The following CCDC150 variants were observed in gnomAD, a reference collection of about 807,000 sequenced individuals.
CCDC150 encodes the protein coiled-coil domain-containing protein 150.
A neutral mutation model predicts 156.5 loss-of-function variants in CCDC150; 151 were observed. The ratio of observed to expected loss-of-function variants is 0.97; its 90% CI spans 0.85 to 1.10. CCDC150 has a LOEUF of 1.10. Among genes scored for constraint, CCDC150 ranks in the 50% least tolerant of loss-of-function variants. The pLI is 0.00. For missense variants in CCDC150, 1,312 were observed against 1,268.1 expected, an observed-to-expected ratio of 1.03 and a Z score of -0.53; for synonymous variants, 452 against 429.4, an observed-to-expected ratio of 1.05 and a Z score of -0.65.
rs1238348149 is a variant in CCDC150 at position 196,657,136 on chromosome 2, G to A, written c.576G>A (p.Lys192=). The change falls in exon 4 of 28, where the codon AAG becomes AAA. Residue 192 remains lysine, a splice_region_variant and synonymous_variant. Transcript: ENST00000389175. The part of the protein sequence containing the change: ...TATLKIASQT[K]KNAAIIEEEL... ...CTCTGAAGATTGCCTCGCAGACAAA[G>A]GTTTGAGTCTAAGAGTTCTGAAGTA... 1.2e-6 allele frequency: 2 copies of A among 1,613,340 alleles called. No homozygotes were observed. The highest frequency in any genetic ancestry group is 1.7e-5 in the Admixed American group (1 of 59,972).
At chr2:196,677,075 C>T (rs2125617599) in intron 12 of CCDC150, 2 of 691,360 alleles carry the variant, frequency 2.9e-6, no homozygotes, top group East Asian at 5.5e-5. Context: ...AGGAAGGAAC[C>T]AGCAGAGTCT....
rs368245738 is a variant in CCDC150 at position 196,710,713 on chromosome 2, A to C, written c.1696-1432A>C. Among the ~76,000 whole-genome samples the C allele has an allele frequency of 5.3e-5, 8 of 152,372 alleles. No individual in the cohort carries two copies. In the South Asian group the frequency reaches 6.2e-4, roughly 12 times the overall value. ...AGAGTTACATGTGTTAACATGGATG[A>C]ATCTCATAAAACAATACTATATACT... is the stretch of plus-strand genomic sequence containing the variant. On this transcript the variant is annotated intron_variant, in intron 15 of 27. Coordinates refer to ENST00000389175, the MANE Select transcript of CCDC150 (RefSeq NM_001080539.2).
At chr2:196,728,427 A>G (rs541849451) in intron 22 of CCDC150, among the ~76,000 whole-genome samples, 46 of 152,326 alleles carry the variant, frequency 3.0e-4, no homozygotes, top group African/African-American at 1.1e-3. Flanking sequence ...GCTACCATCC[A>G]TAGAGAATAC....
rs1694179824 is a variant in CCDC150 at position 196,671,204 on chromosome 2, ATCT to A, written c.937-1137_937-1135del. On this transcript the variant is annotated intron_variant, in intron 8 of 27. Transcript: ENST00000389175. ...TCAGAGTAGTTTCATTGCTCTAAAA[ATCT>A]TCTGTGCTTTGCCTATTCATCCCTC... 2.0e-5 allele frequency among the ~76,000 whole-genome samples: 3 copies of A among 152,210 alleles called. No homozygotes were observed. The South Asian group carries it at 6.2e-4, about 32-fold the overall frequency.
chr2:196,715,379 T>G (rs547265372), intron 17 of CCDC150, among the ~76,000 whole-genome samples: 28 of 152,336 alleles, frequency 1.8e-4, no homozygotes, highest in Non-Finnish European at 3.7e-4. Flanking sequence ...TTTTACTATT[T>G]GGATGTAAAA....
chr2:196,682,274 G>A (rs1216650233), intron 13 of CCDC150, among the ~76,000 whole-genome samples: 1 of 152,004 alleles, frequency 6.6e-6, no homozygotes, highest in Non-Finnish European at 1.5e-5. Flanking sequence ...TCATAGATAT[G>A]TAAGTTTATT....
At chr2:196,664,311 C>T (rs766468547) in intron 5 of CCDC150, among the ~76,000 whole-genome samples, 1 of 152,206 alleles carries the variant, frequency 6.6e-6, no homozygotes, top group Non-Finnish European at 1.5e-5. Flanking sequence ...CCAAGTTGTC[C>T]TTCTGACTGA....
At chr2:196,713,782 A>AG in intron 17 of CCDC150, 1 of 1,231,090 alleles carries the variant, frequency 8.1e-7, no homozygotes, top group Non-Finnish European at 1.1e-6. Context: ...ATGACTAACA[A>AG]GGAAATAAGG....
chr2:196,664,850 G>T (rs1693752581), intron 5 of CCDC150, among the ~76,000 whole-genome samples: 1 of 151,972 alleles, frequency 6.6e-6, no homozygotes, highest in Non-Finnish European at 1.5e-5. Flanking sequence ...TGAGCTGTGT[G>T]CCAGGAACGA....
intron 4 of CCDC150, chr2:196,657,396 T>A: frequency 5.7e-6 from 2 of 350,794 alleles, no homozygotes; most frequent in Non-Finnish European, 1.1e-5. Context: ...AGGTATGAGA[T>A]AGAGCCTGTG....
chr2:196,719,388 GTGTCTGCT>G (rs1697740624), intron 18 of CCDC150, 101 bp from the exon 19 acceptor site: 2 of 778,888 alleles, frequency 2.6e-6, no homozygotes, highest in South Asian at 2.6e-5. Flanking sequence ...GCATCCTACT[GTGTCTGCT>G]TGTCTGCTTT....
chr2:196,692,380 C>T (rs938611637), intron 13 of CCDC150, among the ~76,000 whole-genome samples: 3 of 150,852 alleles, frequency 2.0e-5, no homozygotes, highest in Non-Finnish European at 3.0e-5. Context: ...ATGATCCACC[C>T]GCCTCAGCCT....
chr2:196,660,635 AC>A (rs1201308330), intron 5 of CCDC150, among the ~76,000 whole-genome samples: 1 of 151,982 alleles, frequency 6.6e-6, no homozygotes, highest in East Asian at 1.9e-4. Flanking sequence ...TTAGACTTTT[AC>A]CCCATTTTGT....
intron 1 of CCDC150, among the ~76,000 whole-genome samples, chr2:196,641,134 T>A (rs375087705): frequency 1.7e-4 from 23 of 133,236 alleles, no homozygotes; most frequent in Non-Finnish European, 2.5e-4. Context: ...GGCTAATTTT[T>A]TTTTTATTTT....
rs564146643 is a variant in CCDC150 at position 196,658,948 on chromosome 2, A to G, written c.645+88A>G. 3.3e-6 allele frequency: 3 copies of G among 908,124 alleles called. No homozygotes were observed. The South Asian group carries it at 4.8e-5, about 15-fold the overall frequency. The allele number at this position is 908,124 out of a possible 1,614,324, so 56.3% of individuals were successfully genotyped here. A position where few individuals can be genotyped will look rare whatever the true frequency, so the allele number is the denominator to read the frequency against. ...AGAGAGAATGAAAAGAAACCTTTGA[A>G]GAAGAAAATATGTGACTATGTAGTA... On this transcript the variant is annotated intron_variant, in intron 5 of 27. Transcript: ENST00000389175.
In CCDC150 at chr2:196,658,782, C is replaced by G; in HGVS notation, c.577-10C>G. ...AGATTATTTAGAATCTTTTCTCCTT[C>G]TACTTTTAGAAGAATGCAGCCATTA... On this transcript the variant is annotated splice_polypyrimidine_tract_variant and intron_variant, in intron 4 of 27. Transcript: ENST00000389175. 8.8e-6 allele frequency: 14 copies of G among 1,582,640 alleles called. No individual in the cohort carries two copies. Among genetic ancestry groups the G allele is most frequent in the Non-Finnish European group, 1.2e-5 (14 of 1,157,940 alleles).
In CCDC150 at chr2:196,656,717, A is replaced by C; in HGVS notation, c.261A>C (p.Ala87=). The change falls in exon 3 of 28, where the codon GCA becomes GCC. Residue 87 remains alanine, a synonymous_variant. Transcript: ENST00000389175. ...CTATCCAAAATGAAGCAATTTGTGCAGGAAAAACAGATATTTTATGGAAGA... is the reference window on the plus strand; with the variant it reads ...CTATCCAAAATGAAGCAATTTGTGCCGGAAAAACAGATATTTTATGGAAGA... ...ISPIQNEAIC[A]GKTDILWKNC... 1 of 1,613,852 alleles carries C rather than the reference A, an allele frequency of 6.2e-7. No individual in the cohort carries two copies. Among genetic ancestry groups the C allele is most frequent in the Non-Finnish European group, 8.5e-7 (1 of 1,179,800 alleles).
At chr2:196,713,068 G>A (rs1697244901) in intron 17 of CCDC150, 1 of 484,682 alleles carries the variant, frequency 2.1e-6, no homozygotes, top group Non-Finnish European at 3.6e-6. Flanking sequence ...AATACTCATA[G>A]AGTTCTAACC....
At chr2:196,709,232 T>G (rs1696904328) in intron 15 of CCDC150, among the ~76,000 whole-genome samples, 1 of 152,204 alleles carries the variant, frequency 6.6e-6, no homozygotes, top group African/African-American at 2.4e-5. Flanking sequence ...AAACTTCTCT[T>G]CTCGCTTTAT....
Sources: gnomAD v4.1 joint callset for allele counts (sites outside exome capture counted in the v4.1 genomes callset) on GRCh38, gnomAD v4.1.1 for gene constraint, MANE v1.5 for transcripts, NCBI Gene and HGNC (gene_info 2026-07-23, HGNC 2026-07-21) for gene names.